Variants in IDH3A observed in about 807,000 individuals in gnomAD.
IDH3A encodes isocitrate dehydrogenase (NAD(+)) 3 catalytic subunit alpha.
In IDH3A, 23 loss-of-function variants were observed where a neutral mutation model predicts 43.3. That is an observed-to-expected ratio of 0.53 (90% CI 0.38 to 0.75). IDH3A has a LOEUF of 0.75. IDH3A is among the 30% of genes least tolerant of loss of function. The probability of loss-of-function intolerance (pLI) is 0.00; values close to 1 mark genes in which losing one functional copy is unlikely to be tolerated. For synonymous variants in IDH3A, 154 were observed against 163.5 expected (o/e 0.94, Z 0.44); for missense variants, 329 against 474.4 (o/e 0.69, Z 2.85).
intron 2 of IDH3A, among the ~76,000 whole-genome samples, chr15:78,156,215 T>C (rs550420347): frequency 6.6e-6 from 1 of 152,350 alleles, no homozygotes; most frequent in South Asian, 2.1e-4. Context: ...AAGATGATCA[T>C]TGCTCTCTGC....
intron 9 of IDH3A, 79 bp from the exon 10 acceptor site, chr15:78,166,071 G>A (rs2074738094): frequency 2.2e-6 from 3 of 1,357,696 alleles, no homozygotes; most frequent in Non-Finnish European, 3.1e-6. Context: ...AGGAAAGATG[G>A]TTAAGACTCC....
chr15:78,164,963 C>T (rs748432120), intron 8 of IDH3A, 29 bp from the exon 9 acceptor site: 2 of 1,575,934 alleles, frequency 1.3e-6, no homozygotes, highest in East Asian at 2.2e-5. Context: ...TTTTTAAAAA[C>T]ATTCTTTGAA....
At chr15:78,168,842 C>G (rs2074784135) in intron 10 of IDH3A, 80 bp from the exon 11 acceptor site, 2 of 868,210 alleles carry the variant, frequency 2.3e-6, no homozygotes, top group African/African-American at 1.7e-5. Context: ...CAGGTGGCAT[C>G]TCACTGAGGG....
intron 3 of IDH3A, among the ~76,000 whole-genome samples, chr15:78,159,265 C>T (rs986964951): frequency 1.1e-4 from 17 of 152,132 alleles, no homozygotes; most frequent in African/African-American, 3.9e-4. Context: ...CCTATGCAGT[C>T]GCTCCCCATT....
rs1269325383 is a variant in IDH3A at position 78,149,439 on chromosome 15, T to TGGCAGGCCGGCGTGTGGCAGGCA, written c.27+19_27+41dup. ...CCGCGTGGATCTCTAAGGTGAGCGCTGGCAGGCCGGCGTGTGGCAGGCAGG... is the reference window on the plus strand; with the variant it reads ...CCGCGTGGATCTCTAAGGTGAGCGCTGGCAGGCCGGCGTGTGGCAGGCAGGCAGGCCGGCGTGTGGCAGGCAGG... On this transcript the variant is annotated intron_variant, in intron 1 of 10. Transcript: ENST00000299518. 61 of 1,539,270 alleles carry TGGCAGGCCGGCGTGTGGCAGGCA rather than the reference T, an allele frequency of 4.0e-5. No homozygotes were observed. Among genetic ancestry groups the TGGCAGGCCGGCGTGTGGCAGGCA allele is most frequent in the Non-Finnish European group, 5.0e-5 (58 of 1,150,056 alleles).
At chr15:78,153,575 G>A (rs919181899) in intron 1 of IDH3A, among the ~76,000 whole-genome samples, 1 of 152,180 alleles carries the variant, frequency 6.6e-6, no homozygotes, top group Admixed American at 6.5e-5. Context: ...GAAGATTAGA[G>A]AATAAAATTC....
chr15:78,165,122 G>A, intron 9 of IDH3A, 46 bp downstream of exon 9: 1 of 1,165,220 alleles, frequency 8.6e-7, no homozygotes, highest in Non-Finnish European at 1.3e-6. Context: ...AGAACAGCGT[G>A]TGAACTCAGG....
Position 78,149,373 on chromosome 15 carries a change from G to T in IDH3A, c.-31G>T. On this transcript the variant is annotated 5_prime_UTR_variant, in exon 1 of 11. Transcript: ENST00000299518. ...GTGGGCGCTTGCGCACTGCCGCTGC[G>T]GCTGTTGCTGCGGAGCCAGGAGGGG... 2.0e-6 allele frequency: 3 copies of T among 1,529,262 alleles called. No homozygotes were observed. 94.7% of individuals were successfully genotyped at this position (1,529,262 alleles called of 1,614,324 possible).
chr15:78,159,439 A>T (rs62009338), intron 3 of IDH3A, among the ~76,000 whole-genome samples: 26,843 of 152,086 alleles, frequency 0.18, 3,248 homozygotes, highest in East Asian at 0.58. Flanking sequence ...TTCACTTAGC[A>T]TGATGTTTTT....
chr15:78,149,492 G>C, intron 1 of IDH3A, 62 bp downstream of exon 1: 1 of 1,435,430 alleles, frequency 7.0e-7, no homozygotes, highest in Non-Finnish European at 9.3e-7. Flanking sequence ...CAGGAGAGCC[G>C]GTCGCGTGCC....
Position 78,169,062 on chromosome 15 carries a change from T to G in IDH3A, c.*57T>G. 9.5e-7 allele frequency: 1 copy of G among 1,052,552 alleles called. No individual in the cohort carries two copies. The highest frequency in any genetic ancestry group is 1.5e-6 in the Non-Finnish European group (1 of 684,348). The allele number at this position is 1,052,552 out of a possible 1,614,324, so 65.2% of individuals were successfully genotyped here. A position where few individuals can be genotyped will look rare whatever the true frequency, so the allele number is the denominator to read the frequency against. On this transcript the variant is annotated 3_prime_UTR_variant, in exon 11 of 11. Coordinates refer to ENST00000299518, the MANE Select transcript of IDH3A (RefSeq NM_005530.3). ...TCTAAATGGACACCACATGAACCTC[T>G]GTTTAGAATACCTACGTATGTATGC...
rs1332366247 is a variant in IDH3A, at chr15:78,149,439, T to G, written c.27+9T>G. ...CCGCGTGGATCTCTAAGGTGAGCGC[T>G]GGCAGGCCGGCGTGTGGCAGGCAGG... On this transcript the variant is annotated intron_variant, in intron 1 of 10. Transcript: ENST00000299518. The G allele has an allele frequency of 5.2e-6, 8 of 1,539,270 alleles. No homozygotes were observed. The African/African-American group carries it at 1.0e-4, about 19-fold the overall frequency.
Position 78,171,468 on chromosome 15 carries a change from G to A in IDH3A, c.*2463G>A. 1 of 1,614,118 alleles carries A rather than the reference G, an allele frequency of 6.2e-7. No individual in the cohort carries two copies. The highest frequency in any genetic ancestry group is 1.1e-5 in the South Asian group (1 of 91,074). Reference sequence around the variant, plus strand: ...ATTACATTTTTTGCTCTTGGTAAAAGGAGTCAATGATACCTTTGTACTTCT... The same window carrying A: ...ATTACATTTTTTGCTCTTGGTAAAAAGAGTCAATGATACCTTTGTACTTCT... On this transcript the variant is annotated 3_prime_UTR_variant, in exon 11 of 11. Transcript: ENST00000299518.
At chr15:78,159,659 A>G (rs577542389) in intron 3 of IDH3A, among the ~76,000 whole-genome samples, 5 of 152,258 alleles carry the variant, frequency 3.3e-5, no homozygotes, top group African/African-American at 1.2e-4. Context: ...CATGCCAGGA[A>G]CCTTCTGGAC....
intron 10 of IDH3A, chr15:78,166,535 G>A (rs1287097765): frequency 1.3e-5 from 7 of 525,908 alleles, no homozygotes; most frequent in East Asian, 6.9e-5. Flanking sequence ...CAGCACTGAT[G>A]TATAGACATC....
At chr15:78,149,524 C>A (rs922689460) in intron 1 of IDH3A, 94 bp downstream of exon 1, 27 of 1,149,110 alleles carry the variant, frequency 2.3e-5, no homozygotes, top group Non-Finnish European at 3.2e-5. Context: ...GGCGCGTGGG[C>A]CAGACAGGGA....
At chr15:78,156,272 A>T (rs2074622317) in intron 2 of IDH3A, among the ~76,000 whole-genome samples, 1 of 152,168 alleles carries the variant, frequency 6.6e-6, no homozygotes, top group South Asian at 2.1e-4. Flanking sequence ...AATTAGCTTG[A>T]TGGAGGAGGT....
intron 1 of IDH3A, chr15:78,154,491 G>A (rs2074608358): frequency 6.6e-6 from 1 of 152,266 alleles, no homozygotes; most frequent in African/African-American, 2.4e-5. Flanking sequence ...AGACCTGTAT[G>A]TGGGTTTCCA....
intron 1 of IDH3A, among the ~76,000 whole-genome samples, chr15:78,152,917 T>G (rs944552018): frequency 6.6e-6 from 1 of 152,070 alleles, no homozygotes; most frequent in Non-Finnish European, 1.5e-5. Context: ...TTTGTTTGAT[T>G]GTTGTTTTGT....
Sources: allele counts gnomAD v4.1 joint callset (sites outside exome capture counted in the v4.1 genomes callset), GRCh38; gene constraint gnomAD v4.1.1; transcripts MANE v1.5; gene names NCBI Gene and HGNC (gene_info 2026-07-23, HGNC 2026-07-21).